Variants in METAP1D observed in about 807,000 individuals in gnomAD.
METAP1D encodes the protein methionine aminopeptidase 1D, mitochondrial.
METAP1D carries 31 observed loss-of-function variants against 40.5 expected under a neutral mutation model. The ratio of observed to expected loss-of-function variants is 0.77; its 90% CI spans 0.58 to 1.03. The LOEUF (loss-of-function observed/expected upper bound fraction) is 1.03. METAP1D is among the 50% of genes least tolerant of loss of function. The probability of loss-of-function intolerance (pLI) is 0.00; values close to 1 mark genes in which losing one functional copy is unlikely to be tolerated. For synonymous variants in METAP1D, 151 were observed against 146.4 expected, an observed-to-expected ratio of 1.03 and a Z score of -0.22; for missense variants, 411 against 420.7, an observed-to-expected ratio of 0.98 and a Z score of 0.20.
chr2:172,002,803 T>C (rs1247864929), intron 1 of METAP1D, among the ~76,000 whole-genome samples: 5 of 152,230 alleles, frequency 3.3e-5, no homozygotes, highest in African/African-American at 9.6e-5. Context: ...CAAGTCTTCA[T>C]GTACCAGGAT....
chr2:172,049,042 C>T (rs1172836844), intron 1 of METAP1D, among the ~76,000 whole-genome samples: 1 of 152,140 alleles, frequency 6.6e-6, no homozygotes, highest in Non-Finnish European at 1.5e-5. Context: ...TGAAGTGCAG[C>T]AGCGCAATCT....
chr2:172,017,939 C>T (rs1483310834), intron 1 of METAP1D, among the ~76,000 whole-genome samples: 1 of 151,554 alleles, frequency 6.6e-6, no homozygotes, highest in African/African-American at 2.4e-5. Context: ...CCAACCTGAC[C>T]AACATGGTGA....
At chr2:172,061,366 A>G in intron 1 of METAP1D, 132 bp from the exon 2 acceptor site, 1 of 715,522 alleles carries the variant, frequency 1.4e-6, no homozygotes, top group Non-Finnish European at 2.2e-6. Context: ...TTTCATTTCT[A>G]TTTGGGGCTT....
At chr2:172,003,190 A>G (rs1172617214) in intron 1 of METAP1D, among the ~76,000 whole-genome samples, 1 of 152,190 alleles carries the variant, frequency 6.6e-6, no homozygotes, top group Non-Finnish European at 1.5e-5. Context: ...AAGACAGATC[A>G]GCCTCTTGGA....
In METAP1D at chr2:172,080,315, T is replaced by A; in HGVS notation, c.930-13T>A. 1.2e-6 allele frequency: 2 copies of A among 1,614,104 alleles called. No individual in the cohort carries two copies. The highest frequency in any genetic ancestry group is 4.5e-5 in the East Asian group (2 of 44,882). Reference sequence around the variant, plus strand: ...TTGCGTGCGCGTTCTGACGGCTGGGTGCTGTGTTACAGGTCGGCGCAGTTC... The same window carrying A: ...TTGCGTGCGCGTTCTGACGGCTGGGAGCTGTGTTACAGGTCGGCGCAGTTC... On this transcript the variant is annotated splice_polypyrimidine_tract_variant and intron_variant, in intron 9 of 9. Coordinates refer to ENST00000315796, the MANE Select transcript of METAP1D (RefSeq NM_199227.3).
chr2:172,059,012 T>C (rs1690064507), intron 1 of METAP1D, among the ~76,000 whole-genome samples: 1 of 152,202 alleles, frequency 6.6e-6, no homozygotes, highest in Non-Finnish European at 1.5e-5. Context: ...TGAGGGCTGG[T>C]TAAGGCACAG....
At chr2:172,077,677 G>T in intron 6 of METAP1D, 120 bp from the exon 7 acceptor site, 2 of 549,730 alleles carry the variant, frequency 3.6e-6, no homozygotes, top group South Asian at 2.8e-5. Context: ...GTTATTATCT[G>T]ACTCTAAATA....
At chr2:172,031,853 G>C (rs557377620) in intron 1 of METAP1D, among the ~76,000 whole-genome samples, 3 of 152,166 alleles carry the variant, frequency 2.0e-5, no homozygotes, top group Non-Finnish European at 4.4e-5. Context: ...TCAGCCATGG[G>C]AATAACCAGT....
chr2:172,010,385 GT>G (rs1307524449), intron 1 of METAP1D, among the ~76,000 whole-genome samples: 1 of 147,148 alleles, frequency 6.8e-6, no homozygotes, highest in Non-Finnish European at 1.5e-5. Flanking sequence ...CAAGTGATTG[GT>G]CAGCCCACCT....
chr2:172,078,598 G>T (rs1690609533), intron 7 of METAP1D, among the ~76,000 whole-genome samples: 1 of 152,144 alleles, frequency 6.6e-6, no homozygotes, highest in South Asian at 2.1e-4. Context: ...TCCATAGAAG[G>T]ACTACTCTTT....
Position 172,080,646 on chromosome 2 carries a change from C to G in METAP1D, c.*240C>G. 1.7e-6 allele frequency: 1 copy of G among 597,720 alleles called. No homozygotes were observed. Among genetic ancestry groups the G allele is most frequent in the Non-Finnish European group, 3.0e-6 (1 of 337,058 alleles). 37.0% of individuals were successfully genotyped at this position (597,720 alleles called of 1,614,324 possible). A position where few individuals can be genotyped will look rare whatever the true frequency, so the allele number is the denominator to read the frequency against. The stretch of plus-strand genomic sequence containing the variant: ...CCTGGCCCTGGACTCGGTTTCCCAG[C>G]GCGGTCAACGCATCTGGAGGGGACT... On this transcript the variant is annotated 3_prime_UTR_variant, in exon 10 of 10. Coordinates refer to ENST00000315796, the MANE Select transcript of METAP1D (RefSeq NM_199227.3).
At chr2:172,064,911 A>T (rs1354593569) in intron 3 of METAP1D, among the ~76,000 whole-genome samples, 1 of 152,218 alleles carries the variant, frequency 6.6e-6, no homozygotes, top group African/African-American at 2.4e-5. Flanking sequence ...ATTTATGTTT[A>T]TGGAGTTTAT....
intron 1 of METAP1D, among the ~76,000 whole-genome samples, chr2:172,006,623 A>G (rs1282879992): frequency 6.6e-6 from 1 of 152,228 alleles, no homozygotes; most frequent in African/African-American, 2.4e-5. Flanking sequence ...TTTGAACAAC[A>G]TCTAGTTTTA....
chr2:172,072,346 T>C (rs1574143840), intron 6 of METAP1D: 2 of 167,396 alleles, frequency 1.2e-5, no homozygotes. Context: ...AAATTTATTC[T>C]TCAGTAGAAG....
At chr2:172,053,516 T>C (rs1450295317) in intron 1 of METAP1D, among the ~76,000 whole-genome samples, 1 of 152,042 alleles carries the variant, frequency 6.6e-6, no homozygotes, top group Non-Finnish European at 1.5e-5. Flanking sequence ...TAGCAAAACA[T>C]TGTTGTTTTT....
chr2:172,028,025 G>A (rs1426567254), intron 1 of METAP1D, among the ~76,000 whole-genome samples: 2 of 152,116 alleles, frequency 1.3e-5, no homozygotes, highest in Non-Finnish European at 2.9e-5. Context: ...GTGGGGGCTG[G>A]GGTTTCAGAC....
chr2:172,034,019 G>T (rs13394991), intron 1 of METAP1D, among the ~76,000 whole-genome samples: 7,795 of 149,852 alleles, frequency 0.052, 749 homozygotes, highest in East Asian at 0.48. Context: ...GGAGGTTGCG[G>T]CGAGTGGAGA....
chr2:172,041,803 AGTT>A lies in METAP1D; in HGVS notation c.41-19694_41-19692del, dbSNP rs1167391031. 2.8e-4 allele frequency among the ~76,000 whole-genome samples: 22 copies of A among 78,750 alleles called. 3 individuals carry two copies. Among genetic ancestry groups the A allele is most frequent in the African/African-American group, 7.5e-4 (21 of 27,894 alleles). 51.7% of individuals were successfully genotyped at this position (78,750 alleles called of 152,430 possible). A position where few individuals can be genotyped will look rare whatever the true frequency, so the allele number is the denominator to read the frequency against. On this transcript the variant is annotated intron_variant, in intron 1 of 9. Transcript: ENST00000315796. The stretch of plus-strand genomic sequence containing the variant: ...AAAAGAAATGACCTAATATATATAT[AGTT>A]TTTTTTTTTTTTAAGATGGAGTCTT...
At chr2:172,075,955 G>C (rs74886317) in intron 6 of METAP1D, among the ~76,000 whole-genome samples, 2,532 of 152,244 alleles carry the variant, frequency 0.017, 30 homozygotes, top group Non-Finnish European at 0.022. Flanking sequence ...AGGACCCACG[G>C]AGTAAATTGT....
Sources: gnomAD v4.1 joint callset for allele counts (sites outside exome capture counted in the v4.1 genomes callset) on GRCh38, gnomAD v4.1.1 for gene constraint, MANE v1.5 for transcripts, NCBI Gene and HGNC (gene_info 2026-07-23, HGNC 2026-07-21) for gene names.